The following RHOQ variants were observed in gnomAD, a reference collection of about 807,000 sequenced individuals.
The protein encoded by RHOQ is ras homolog family member Q, also known as rho-related GTP-binding protein RhoQ.
A neutral mutation model predicts 25.8 loss-of-function variants in RHOQ; 7 were observed. That is an observed-to-expected ratio of 0.27 (90% confidence interval 0.15 to 0.51). RHOQ has a LOEUF of 0.51. Ranked by LOEUF, RHOQ falls within the 20% of genes least tolerant of loss-of-function variation. The pLI, the probability that RHOQ is intolerant of heterozygous loss-of-function variation, is 0.97. For missense variants in RHOQ, 165 were observed against 260.6 expected, an observed-to-expected ratio of 0.63 and a Z score of 2.53; for synonymous variants, 97 against 98.6, an observed-to-expected ratio of 0.98 and a Z score of 0.10.
chr2:46,548,449 C>T lies in RHOQ; in HGVS notation c.201+4637C>T, dbSNP rs1433565454. Among the ~76,000 whole-genome samples, 1 of 152,218 alleles carries T rather than the reference C, an allele frequency of 6.6e-6. No homozygotes were observed. Among genetic ancestry groups the T allele is most frequent in the African/African-American group, 2.4e-5 (1 of 41,458 alleles). On this transcript the variant is annotated intron_variant, in intron 2 of 4. Coordinates refer to ENST00000238738, the MANE Select transcript of RHOQ (RefSeq NM_012249.4). This position sits in a 1 kb window ranked among gnomAD's most constrained non-coding sequence, Gnocchi z 5.2. ...CTCCTCCCACCTCCAGGCAAGTCAT[C>T]CTCACAACACCCTTCAAGGTAGACT...
intron 2 of RHOQ, among the ~76,000 whole-genome samples, chr2:46,564,093 T>G (rs1166541581): frequency 6.6e-6 from 1 of 151,940 alleles, no homozygotes; most frequent in Non-Finnish European, 1.5e-5. Flanking sequence ...TTGCTTGAGC[T>G]CAGGAGTTCA....
intron 2 of RHOQ, among the ~76,000 whole-genome samples, chr2:46,545,463 C>A (rs963905044): frequency 6.6e-6 from 1 of 152,162 alleles, no homozygotes; most frequent in Non-Finnish European, 1.5e-5. Context: ...TTAAACCCTG[C>A]TAGTATTTAC....
At chr2:46,580,876 C>T in intron 4 of RHOQ, 52 bp from the exon 5 acceptor site, 2 of 1,276,580 alleles carry the variant, frequency 1.6e-6, no homozygotes, top group Admixed American at 2.9e-5. Flanking sequence ...TATGTCATGC[C>T]AATTGTATAA....
At chr2:46,565,100 T>C (rs1179716085) in intron 2 of RHOQ, among the ~76,000 whole-genome samples, 3 of 152,166 alleles carry the variant, frequency 2.0e-5, no homozygotes, top group Non-Finnish European at 4.4e-5. Flanking sequence ...AGGAGCTACG[T>C]TGGACAAGCC....
intron 2 of RHOQ, 130 bp from the exon 3 acceptor site, chr2:46,575,957 C>T: frequency 1.7e-6 from 1 of 603,156 alleles, no homozygotes; most frequent in African/African-American, 1.9e-5. Context: ...TCTGATTTTA[C>T]TTAGAGTGCC....
At chr2:46,550,381 A>G (rs1230075165) in intron 2 of RHOQ, among the ~76,000 whole-genome samples, 1 of 152,236 alleles carries the variant, frequency 6.6e-6, no homozygotes, top group Admixed American at 6.5e-5. Context: ...ATACAGTAGA[A>G]GTCTTTAAGG....
At chr2:46,543,909 GTGTGTCT>G in intron 2 of RHOQ, 97 bp downstream of exon 2, 1 of 994,520 alleles carries the variant, frequency 1.0e-6, no homozygotes, top group Non-Finnish European at 1.5e-6. Flanking sequence ...AGGTGGGAGG[GTGTGTCT>G]GCGACGGGCT....
At chr2:46,571,321 G>A (rs140159205) in intron 2 of RHOQ, among the ~76,000 whole-genome samples, 6 of 152,276 alleles carry the variant, frequency 3.9e-5, no homozygotes, top group East Asian at 1.9e-4. Context: ...CCTGATGCAC[G>A]TTCCCACACC....
rs1424183706 is a variant in RHOQ at position 46,548,757 on chromosome 2, T to C, written c.201+4945T>C. On this transcript the variant is annotated intron_variant, in intron 2 of 4. Coordinates refer to ENST00000238738, the MANE Select transcript of RHOQ (RefSeq NM_012249.4). The surrounding 1 kb of genome is among the most constrained non-coding windows in gnomAD (Gnocchi z 5.2). ...ATCCTGGTTTCCCTTAGTAACCTAC[T>C]GTAGATTTGTCATGTGTGCATTTTG... Among the ~76,000 whole-genome samples, 2 of 152,040 alleles carry C rather than the reference T, an allele frequency of 1.3e-5. No homozygotes were observed. The highest frequency in any genetic ancestry group is 2.9e-5 in the Non-Finnish European group (2 of 68,028).
chr2:46,575,939 C>T, intron 2 of RHOQ, 148 bp from the exon 3 acceptor site: 1 of 515,446 alleles, frequency 1.9e-6, no homozygotes. Flanking sequence ...ATAACAAAAA[C>T]AGAGTTATCT....
At chr2:46,550,567 C>T (rs1329286198) in intron 2 of RHOQ, among the ~76,000 whole-genome samples, 1 of 152,198 alleles carries the variant, frequency 6.6e-6, no homozygotes, top group East Asian at 1.9e-4. Flanking sequence ...GAGGAGGAGA[C>T]AGGTTGGCAG....
chr2:46,581,737 C>T lies in RHOQ; in HGVS notation c.*654C>T, dbSNP rs1558696530. ...GTAATAAGGTCATAACTGCATTTAT[C>T]ATGAACACTAAAAATGTACACATTT... On this transcript the variant is annotated 3_prime_UTR_variant, in exon 5 of 5. Transcript: ENST00000238738. The T allele has an allele frequency of 8.8e-6, 10 of 1,137,884 alleles. No individual in the cohort carries two copies. Among genetic ancestry groups the T allele is most frequent in the Non-Finnish European group, 1.2e-5 (10 of 836,290 alleles). 70.5% of individuals were successfully genotyped at this position (1,137,884 alleles called of 1,614,324 possible).
Position 46,581,218 on chromosome 2 carries a change from T to G in RHOQ, c.*135T>G. The G allele has an allele frequency of 1.0e-6, 1 of 977,004 alleles. No homozygotes were observed. Among genetic ancestry groups the G allele is most frequent in the African/African-American group, 1.6e-5 (1 of 60,668 alleles). The allele number at this position is 977,004 out of a possible 1,614,324, so 60.5% of individuals were successfully genotyped here. ...AGAAAACAAAACCTGTCCTCAGAAT[T>G]CTATAAAGTGTATTAAGAATGTTCC... On this transcript the variant is annotated 3_prime_UTR_variant, in exon 5 of 5. Transcript: ENST00000238738.
intron 2 of RHOQ, among the ~76,000 whole-genome samples, chr2:46,562,961 T>C (rs1295767654): frequency 6.6e-6 from 1 of 152,216 alleles, no homozygotes; most frequent in Non-Finnish European, 1.5e-5. Flanking sequence ...TCGGTGGACA[T>C]GGTTATAAAT....
rs1234791781 is a variant in RHOQ, at chr2:46,566,648, G to C, written c.202-9439G>C. ...GGGGGTCGGGGGCTCACCTTTTAAT[G>C]ACTTTCCATTGCAGGTGGGCCCTGC... is the stretch of plus-strand genomic sequence containing the variant. On this transcript the variant is annotated intron_variant, in intron 2 of 4. Coordinates refer to ENST00000238738, the MANE Select transcript of RHOQ (RefSeq NM_012249.4). This position sits in a 1 kb window ranked among gnomAD's most constrained non-coding sequence, Gnocchi z 4.2. Among the ~76,000 whole-genome samples the C allele has an allele frequency of 6.6e-6, 1 of 152,084 alleles. No homozygotes were observed. Among genetic ancestry groups the C allele is most frequent in the Non-Finnish European group, 1.5e-5 (1 of 68,010 alleles).
At chr2:46,580,891 G>T in intron 4 of RHOQ, 37 bp from the exon 5 acceptor site, 1 of 1,412,520 alleles carries the variant, frequency 7.1e-7, no homozygotes, top group South Asian at 1.7e-5. Flanking sequence ...GTATAAACAT[G>T]ATCTTATATA....
intron 2 of RHOQ, among the ~76,000 whole-genome samples, chr2:46,575,442 C>G (rs893828041): frequency 1.5e-5 from 2 of 136,506 alleles, no homozygotes; most frequent in Non-Finnish European, 3.2e-5. Context: ...CACACACACA[C>G]AATTAATAAA....
chr2:46,575,550 C>T (rs1362992409), intron 2 of RHOQ, among the ~76,000 whole-genome samples: 1 of 152,070 alleles, frequency 6.6e-6, no homozygotes, highest in African/African-American at 2.4e-5. Context: ...GGATTTGAAT[C>T]TCAGCTCCTT....
chr2:46,543,392 C>G (rs1387790283), intron 1 of RHOQ: 1 of 614,596 alleles, frequency 1.6e-6, no homozygotes, highest in Non-Finnish European at 2.8e-6. Flanking sequence ...CCCACCCGCC[C>G]CCTACGCGGC....
Sources: allele counts gnomAD v4.1 joint callset (sites outside exome capture counted in the v4.1 genomes callset), GRCh38; gene constraint gnomAD v4.1.1; non-coding constraint Gnocchi (gnomAD v3.1); transcripts MANE v1.5; gene names NCBI Gene and HGNC (gene_info 2026-07-23, HGNC 2026-07-21).